INTS1: variants seen among roughly 807,000 people sequenced by gnomAD.
The protein encoded by INTS1 is integrator complex subunit 1.
Under a neutral mutation model 241.6 loss-of-function variants are expected in INTS1, and 137 were observed. That is an observed-to-expected ratio of 0.57 (90% CI 0.49 to 0.65). The LOEUF (loss-of-function observed/expected upper bound fraction) is 0.65, where lower values mean the gene tolerates loss of function less well. Ranked by LOEUF, INTS1 falls within the 30% of genes least tolerant of loss-of-function variation. The probability of loss-of-function intolerance (pLI) is 0.00; values close to 1 mark genes in which losing one functional copy is unlikely to be tolerated. For missense variants in INTS1, 3,073 were observed against 3,032.2 expected, an observed-to-expected ratio of 1.01 and a Z score of -0.32; for synonymous variants, 1,692 against 1,337.8, an observed-to-expected ratio of 1.26 and a Z score of -5.78.
In INTS1 at chr7:1,497,393, G is replaced by T; in HGVS notation, c.1426-79C>A. 1.4e-6 allele frequency: 2 copies of T among 1,468,246 alleles called. No homozygotes were observed. The highest frequency in any genetic ancestry group is 1.8e-6 in the Non-Finnish European group (2 of 1,094,402). The allele number at this position is 1,468,246 out of a possible 1,614,324, so 91.0% of individuals were successfully genotyped here. On this transcript the variant is annotated intron_variant, in intron 10 of 47. Coordinates refer to ENST00000404767, the MANE Select transcript of INTS1 (RefSeq NM_001080453.3). This position sits in a 1 kb window ranked among gnomAD's most constrained non-coding sequence, Gnocchi z 5.3. ...CAGGCCCCTTCCCGCAGCACCAACAGGTATGGCGCCCGAGGGCGCTGCAGT... is the reference window on the plus strand; with the variant it reads ...CAGGCCCCTTCCCGCAGCACCAACATGTATGGCGCCCGAGGGCGCTGCAGT...
intron 6 of INTS1, 44 bp from the exon 7 acceptor site, chr7:1,499,404 C>CCAAA: frequency 6.5e-7 from 1 of 1,540,070 alleles, no homozygotes; most frequent in Non-Finnish European, 8.8e-7. Context: ...TCCCACCCGC[C>CCAAA]CATCCTCCCA....
chr7:1,471,003 C>T (rs1353777059), intron 46 of INTS1, 48 bp from the exon 47 acceptor site: 1 of 1,522,848 alleles, frequency 6.6e-7, no homozygotes, highest in Non-Finnish European at 8.9e-7. Context: ...TGTGCCCACG[C>T]CAGACCCCCA....
intron 43 of INTS1, among the ~76,000 whole-genome samples, chr7:1,472,703 C>A (rs1781527494): frequency 6.6e-6 from 1 of 152,162 alleles, no homozygotes; most frequent in African/African-American, 2.4e-5. Flanking sequence ...TGCTGCGGTG[C>A]CGTGTCACCT....
In INTS1 at chr7:1,477,870, G is replaced by T. The variant is rs1285097059; in HGVS notation, c.4697C>A (p.Ala1566Asp). The T allele has an allele frequency of 6.2e-7, 1 of 1,612,608 alleles. No homozygotes were observed. The highest frequency in any genetic ancestry group is 1.3e-5 in the African/African-American group (1 of 75,058). The change falls in exon 34 of 48, where the codon GCC (alanine) becomes GAC (aspartate). Residue 1566 changes from alanine (A) to aspartate (D), a missense_variant. Coordinates refer to ENST00000404767, the MANE Select transcript of INTS1 (RefSeq NM_001080453.3). Reference sequence around the variant, plus strand: ...AAACGGGGAGGCAGCATCCGCAGTGGCAGAGAAGAATGCAGTCAGCAGCTC... The same window carrying T: ...AAACGGGGAGGCAGCATCCGCAGTGTCAGAGAAGAATGCAGTCAGCAGCTC... ...LEELLTAFFS[A>D]TADAASPFPA...
intron 30 of INTS1, among the ~76,000 whole-genome samples, chr7:1,480,097 C>T (rs908594294): frequency 1.3e-5 from 2 of 152,260 alleles, no homozygotes; most frequent in African/African-American, 2.4e-5. Context: ...ACCCCCTTCC[C>T]CAATGTTGGC....
At chr7:1,496,512 T>C (rs1394355154) in intron 11 of INTS1, among the ~76,000 whole-genome samples, 1 of 151,926 alleles carries the variant, frequency 6.6e-6, no homozygotes, top group Non-Finnish European at 1.5e-5. Flanking sequence ...CACAAACACG[T>C]GGGTGCAGCA....
In INTS1 at chr7:1,493,554, A is replaced by G. The variant is rs1782692356; in HGVS notation, c.2068+200T>C. ...TTCCAAAGAACGGGGCAGTGACTGC[A>G]CCATTGCCAAATACACGCACGCTTC... On this transcript the variant is annotated intron_variant, in intron 15 of 47. Coordinates refer to ENST00000404767, the MANE Select transcript of INTS1 (RefSeq NM_001080453.3). The surrounding 1 kb of genome is among the most constrained non-coding windows in gnomAD (Gnocchi z 5.3). Among the ~76,000 whole-genome samples the G allele has an allele frequency of 6.6e-6, 1 of 151,990 alleles. No individual in the cohort carries two copies. The highest frequency in any genetic ancestry group is 6.5e-5 in the Admixed American group (1 of 15,282).
rs193130310 is a variant in INTS1 at position 1,475,966 on chromosome 7, G to A, written c.5484C>T (p.Ala1828=). The part of the protein sequence containing the change: ...PEVLLHSEGA[A]SSSVCKLDGL... ...CCCTCACCTTGCAGACGCTGCTGCT[G>A]GCAGCCCCTTCGCTGTGCAGTAGGA... The change falls in exon 39 of 48, where the codon GCC becomes GCT. Residue 1828 remains alanine, a synonymous_variant. Coordinates refer to ENST00000404767, the MANE Select transcript of INTS1 (RefSeq NM_001080453.3). 6,048 of 1,542,078 alleles carry A rather than the reference G, an allele frequency of 3.9e-3. 31 individuals are homozygous for A. The highest frequency in any genetic ancestry group is 3.9e-3 in the Non-Finnish European group (4,424 of 1,145,498).
chr7:1,503,733 C>T (rs1783317861), intron 2 of INTS1, among the ~76,000 whole-genome samples, 170 bp downstream of exon 2: 1 of 152,232 alleles, frequency 6.6e-6, no homozygotes, highest in Non-Finnish European at 1.5e-5. Flanking sequence ...CTCCCAGGGA[C>T]TCTCAGAGCC....
rs992743617 is a variant in INTS1, at chr7:1,503,071, T to A, written c.179A>T (p.Asp60Val). ...GGCACTGGACAACGCGGCCGCCGCA[T>A]CCCGCTTGCGCTCAGAAGGCAGGCC... Reference protein sequence around the residue: ...PSGLPSERKRDAAAALSSASA... With the variant: ...PSGLPSERKRVAAAALSSASA... Residue 60 changes from aspartate to valine, a missense_variant, in exon 3 of 48, where the codon GAT becomes GTT. Transcript: ENST00000404767. 1.2e-6 allele frequency: 2 copies of A among 1,612,790 alleles called. No individual in the cohort carries two copies. The highest frequency in any genetic ancestry group is 1.7e-6 in the Non-Finnish European group (2 of 1,179,382).
At chr7:1,488,315 C>A (rs1782378693) in intron 18 of INTS1, among the ~76,000 whole-genome samples, 1 of 152,172 alleles carries the variant, frequency 6.6e-6, no homozygotes, top group African/African-American at 2.4e-5. Context: ...TAGGCTCTGC[C>A]CGCCCCATCC....
Position 1,498,398 on chromosome 7 carries a change from G to A in INTS1, c.1425+14C>T, listed in dbSNP as rs750960622. 3.7e-6 allele frequency: 6 copies of A among 1,613,270 alleles called. No individual in the cohort carries two copies. Among genetic ancestry groups the A allele is most frequent in the Non-Finnish European group, 5.1e-6 (6 of 1,179,746 alleles). ...TTCCGGCGTGGAGGGCAAGGCCAGG[G>A]ACCCTGGGCCTACCTTGGGCGCCAG... On this transcript the variant is annotated intron_variant, in intron 10 of 47. Transcript: ENST00000404767.
chr7:1,480,866 G>T lies in INTS1; in HGVS notation c.3918C>A (p.Ser1306=). 6 of 1,555,252 alleles carry T rather than the reference G, an allele frequency of 3.9e-6. No homozygotes were observed. The highest frequency in any genetic ancestry group is 5.2e-6 in the Non-Finnish European group (6 of 1,150,302). The change falls in exon 29 of 48, where the codon TCC becomes TCA. Residue 1306 remains serine, a synonymous_variant. Coordinates refer to ENST00000404767, the MANE Select transcript of INTS1 (RefSeq NM_001080453.3). ...GGGGCGGCAGGGAGGCTGTGAGCAA[G>T]GAGTGGAAAGTCTGGCCTCCGGAGG... The part of the protein sequence containing the change: ...RGASGGQTFH[S]LLTASLPPRR...
intron 29 of INTS1, 55 bp downstream of exon 29, chr7:1,480,780 G>A: frequency 7.2e-7 from 1 of 1,383,476 alleles, no homozygotes; most frequent in Non-Finnish European, 1.0e-6. Context: ...TCTCTGTGTT[G>A]GCCCCACCCC....
intron 11 of INTS1, among the ~76,000 whole-genome samples, chr7:1,496,571 CAG>C (rs1782870785): frequency 6.6e-6 from 1 of 152,090 alleles, no homozygotes; most frequent in East Asian, 1.9e-4. Flanking sequence ...AGCAGGGATC[CAG>C]AGAGAGAGCC....
chr7:1,474,164 A>G lies in INTS1; in HGVS notation c.5829+4T>C, dbSNP rs1022102169. 2 of 1,557,396 alleles carry G rather than the reference A, an allele frequency of 1.3e-6. No individual in the cohort carries two copies. Among genetic ancestry groups the G allele is most frequent in the African/African-American group, 1.4e-5 (1 of 73,750 alleles). On this transcript the variant is annotated splice_donor_region_variant and intron_variant, in intron 41 of 47. Transcript: ENST00000404767. ...GCGCGAGGGCGGGCGGCGGGAGCACACACCAGCAGCAGGCGGATGAAGGAC... is the reference window on the plus strand; with the variant it reads ...GCGCGAGGGCGGGCGGCGGGAGCACGCACCAGCAGCAGGCGGATGAAGGAC...
chr7:1,503,761 G>C (rs1451126550), intron 2 of INTS1, 142 bp downstream of exon 2: 7 of 638,228 alleles, frequency 1.1e-5, no homozygotes, highest in Middle Eastern at 3.6e-4. Flanking sequence ...ACCGAGAGCA[G>C]TGTTTCCAGA....
rs1236996718 is a variant in INTS1 at position 1,493,478 on chromosome 7, C to T, written c.2068+276G>A. ...CTAAAGGAGGTGACAGACAGGAAAT[C>T]TGGCCGTGGCCAAATCACACCGAGA... is the stretch of plus-strand genomic sequence containing the variant. On this transcript the variant is annotated intron_variant, in intron 15 of 47. Transcript: ENST00000404767. This position sits in a 1 kb window ranked among gnomAD's most constrained non-coding sequence, Gnocchi z 5.3. Among the ~76,000 whole-genome samples, 4 of 152,222 alleles carry T rather than the reference C, an allele frequency of 2.6e-5. No individual in the cohort carries two copies. The highest frequency in any genetic ancestry group is 7.2e-5 in the African/African-American group (3 of 41,446).
At chr7:1,475,563 C>G (rs999772558) in intron 39 of INTS1, among the ~76,000 whole-genome samples, 1 of 152,130 alleles carries the variant, frequency 6.6e-6, no homozygotes, top group Non-Finnish European at 1.5e-5. Flanking sequence ...CAGCTCTCCC[C>G]ACCAGGGTCA....
Sources: allele counts gnomAD v4.1 joint callset (sites outside exome capture counted in the v4.1 genomes callset), GRCh38; gene constraint gnomAD v4.1.1; non-coding constraint Gnocchi (gnomAD v3.1); transcripts MANE v1.5; gene names NCBI Gene and HGNC (gene_info 2026-07-23, HGNC 2026-07-21).